SMARCA5: variants seen among roughly 807,000 people sequenced by gnomAD.
SMARCA5 encodes the protein SNF2 related chromatin remodeling ATPase 5.
A neutral mutation model predicts 140.4 loss-of-function variants in SMARCA5; 18 were observed. The ratio of observed to expected loss-of-function variants is 0.13; its 90% CI spans 0.09 to 0.19. The LOEUF (loss-of-function observed/expected upper bound fraction) is 0.19, where lower values mean the gene tolerates loss of function less well. Ranked by LOEUF, SMARCA5 falls within the 10% of genes least tolerant of loss-of-function variation. The probability of loss-of-function intolerance (pLI) is 1.00; values close to 1 mark genes in which losing one functional copy is unlikely to be tolerated. For synonymous variants in SMARCA5, 449 were observed against 419.6 expected (o/e 1.07, Z -0.86); for missense variants, 606 against 1,276.8 (o/e 0.47, Z 8.01).
chr4:143,520,746 G>A (rs1242849009), intron 2 of SMARCA5, among the ~76,000 whole-genome samples: 1 of 151,888 alleles, frequency 6.6e-6, no homozygotes, highest in East Asian at 1.9e-4. Context: ...GCTGCCTAAT[G>A]GCTCCCAATT....
chr4:143,523,459 AAG>A, intron 3 of SMARCA5, among the ~76,000 whole-genome samples: 1 of 152,352 alleles, frequency 6.6e-6, no homozygotes, highest in African/African-American at 2.4e-5. Flanking sequence ...ATTTTATAAA[AAG>A]AATTTAAAAT....
Position 143,548,136 on chromosome 4 carries a change from C to G in SMARCA5, c.2981C>G (p.Ala994Gly). ...GACTGGTTTCTTAAGTCCAGAACTG[C>G]AATGGTGAGTGCTCAGGGCTTTTTT... ...RFDWFLKSRT[A>G]MELQRRCNTL... The change falls in exon 22 of 24, where the codon GCA (alanine) becomes GGA (glycine). Residue 994 changes from alanine (A) to glycine (G), a missense_variant. Around this residue, in one of 10 missense-constraint regions of SMARCA5, gnomAD observed 1 missense variants for 24.1 expected, o/e 0.04. Coordinates refer to ENST00000283131, the MANE Select transcript of SMARCA5 (RefSeq NM_003601.4). 1 of 1,594,026 alleles carries G rather than the reference C, an allele frequency of 6.3e-7. No individual in the cohort carries two copies. The highest frequency in any genetic ancestry group is 2.2e-5 in the East Asian group (1 of 44,734).
chr4:143,519,928 T>A (rs1340230610), intron 2 of SMARCA5, among the ~76,000 whole-genome samples: 1 of 152,154 alleles, frequency 6.6e-6, no homozygotes, highest in Non-Finnish European at 1.5e-5. Flanking sequence ...CTGTCTTTAT[T>A]TTCTTTCTCT....
intron 1 of SMARCA5, 108 bp downstream of exon 1, chr4:143,514,209 A>G: frequency 9.8e-7 from 1 of 1,022,748 alleles, no homozygotes; most frequent in Middle Eastern, 3.0e-4. Context: ...TCTCTGCACC[A>G]GACTCAGCTT....
intron 19 of SMARCA5, among the ~76,000 whole-genome samples, chr4:143,546,271 C>CT (rs1737523014): frequency 6.6e-6 from 1 of 151,992 alleles, no homozygotes; most frequent in Non-Finnish European, 1.5e-5. Context: ...GAGTGGGTAT[C>CT]TTTTTTATCA....
chr4:143,544,947 C>CTTTT (rs11289994), intron 17 of SMARCA5, 100 bp downstream of exon 17: 3 of 361,478 alleles, frequency 8.3e-6, no homozygotes, highest in Non-Finnish European at 4.9e-6. Context: ...TTTTGTGTTT[C>CTTTT]TTTTTTTTTT....
At chr4:143,539,921 A>T (rs1458749764) in intron 13 of SMARCA5, among the ~76,000 whole-genome samples, 2 of 152,148 alleles carry the variant, frequency 1.3e-5, no homozygotes, top group African/African-American at 4.8e-5. Flanking sequence ...TTTTTTAGGA[A>T]TGTAGTTAGC....
chr4:143,548,984 T>C (rs1366521399), intron 22 of SMARCA5, among the ~76,000 whole-genome samples: 1 of 152,088 alleles, frequency 6.6e-6, no homozygotes, highest in Non-Finnish European at 1.5e-5. Flanking sequence ...TAAACTTAAA[T>C]ACATGAAGAT....
chr4:143,519,558 G>A (rs1736912385), intron 2 of SMARCA5, among the ~76,000 whole-genome samples: 1 of 151,800 alleles, frequency 6.6e-6, no homozygotes, highest in African/African-American at 2.4e-5. Context: ...AACTCTTTTC[G>A]TTTCTTCCAG....
At chr4:143,542,505 G>A (rs916074250) in intron 14 of SMARCA5, among the ~76,000 whole-genome samples, 1 of 152,112 alleles carries the variant, frequency 6.6e-6, no homozygotes, top group African/African-American at 2.4e-5. Flanking sequence ...ATACCTTGTG[G>A]ATATCTCCTC....
At chr4:143,521,381 T>G (rs184875310) in intron 2 of SMARCA5, 48 bp from the exon 3 acceptor site, 1 of 1,425,312 alleles carries the variant, frequency 7.0e-7, no homozygotes, top group Admixed American at 2.0e-5. Context: ...ATTTCTGAAG[T>G]TTTAATTGAT....
intron 23 of SMARCA5, among the ~76,000 whole-genome samples, chr4:143,550,828 G>T (rs910826640): frequency 2.0e-5 from 3 of 152,066 alleles, no homozygotes; most frequent in Non-Finnish European, 2.9e-5. Flanking sequence ...CCATTTATCT[G>T]TTGATGGACA....
Position 143,530,445 on chromosome 4 carries a change from T to C in SMARCA5, c.1090-13T>C. The C allele has an allele frequency of 2.5e-6, 4 of 1,598,194 alleles. No individual in the cohort carries two copies. Among genetic ancestry groups the C allele is most frequent in the Non-Finnish European group, 3.4e-6 (4 of 1,168,700 alleles). On this transcript the variant is annotated splice_polypyrimidine_tract_variant and intron_variant, in intron 8 of 23. Coordinates refer to ENST00000283131, the MANE Select transcript of SMARCA5 (RefSeq NM_003601.4). ...ATCTCTGATCTGAGTATATTTTTTG[T>C]TTGTTTATCTAGGACTTTGATTCCT...
At chr4:143,514,635 T>C (rs548955517) in intron 1 of SMARCA5, 1 of 152,792 alleles carries the variant, frequency 6.5e-6, no homozygotes, top group East Asian at 1.9e-4. Flanking sequence ...TGGCGAGAGC[T>C]GGATGGCCGA....
chr4:143,534,779 T>C (rs1737270075), intron 9 of SMARCA5, 76 bp from the exon 10 acceptor site: 2 of 1,032,414 alleles, frequency 1.9e-6, no homozygotes, highest in Non-Finnish European at 2.7e-6. Context: ...ATGTATTTTA[T>C]ATACAATTCT....
Position 143,528,622 on chromosome 4 carries a change from C to T in SMARCA5, c.997C>T (p.Leu333=), listed in dbSNP as rs2149819363. 25 of 1,612,594 alleles carry T rather than the reference C, an allele frequency of 1.6e-5. No homozygotes were observed. The highest frequency in any genetic ancestry group is 2.0e-5 in the Non-Finnish European group (24 of 1,178,892). The stretch of plus-strand genomic sequence containing the variant: ...GAGGGAATTCAAGACTACAAATAGA[C>T]TATTATTAACTGGAACACCTCTTCA... ...IVREFKTTNR[L]LLTGTPLQNN... Residue 333 remains leucine, a synonymous_variant, in exon 8 of 24, where the codon CTA becomes TTA. Transcript: ENST00000283131.
chr4:143,514,259 C>T (rs1436189809), intron 1 of SMARCA5, 158 bp downstream of exon 1: 7 of 671,280 alleles, frequency 1.0e-5, no homozygotes, highest in Middle Eastern at 4.2e-4. Context: ...CACTCTTGCT[C>T]CCTTGTTCTT....
At chr4:143,538,046 C>G (rs979150670) in intron 11 of SMARCA5, among the ~76,000 whole-genome samples, 1 of 151,934 alleles carries the variant, frequency 6.6e-6, no homozygotes, top group Non-Finnish European at 1.5e-5. Flanking sequence ...GATCCTTTGT[C>G]TTGATATATT....
At chr4:143,524,262 T>C in intron 3 of SMARCA5, 105 bp from the exon 4 acceptor site, 1 of 670,674 alleles carries the variant, frequency 1.5e-6, no homozygotes, top group Non-Finnish European at 2.5e-6. Flanking sequence ...TGTTAAAAAT[T>C]TAATTTTGTG....
Sources: allele counts gnomAD v4.1 joint callset (sites outside exome capture counted in the v4.1 genomes callset), GRCh38; gene constraint gnomAD v4.1.1; regional missense constraint gnomAD v4.1.1; transcripts MANE v1.5; gene names NCBI Gene and HGNC (gene_info 2026-07-23, HGNC 2026-07-21).